TUSC3: variants seen among roughly 807,000 people sequenced by gnomAD.
TUSC3 encodes tumor suppressor candidate 3.
Under a neutral mutation model 44.8 loss-of-function variants are expected in TUSC3, and 45 were observed. The ratio of observed to expected loss-of-function variants is 1.00; its 90% CI spans 0.79 to 1.29. The LOEUF (loss-of-function observed/expected upper bound fraction) is 1.29. TUSC3 is among the 50% of genes most tolerant of loss of function. TUSC3 has a pLI of 0.00. For missense variants in TUSC3, 519 were observed against 437.9 expected (o/e 1.19, Z -1.65); for synonymous variants, 212 against 152.9 (o/e 1.39, Z -2.85).
intron 5 of TUSC3, among the ~76,000 whole-genome samples, chr8:15,671,422 G>A (rs1807942031): frequency 6.6e-6 from 1 of 151,922 alleles, no homozygotes; most frequent in Non-Finnish European, 1.5e-5. Context: ...ACCAAAAAAG[G>A]ATGCATCAGT....
chr8:15,779,433 A>G, the TUSC3 span, among the ~76,000 whole-genome samples: 3 of 151,846 alleles, frequency 2.0e-5, 1 homozygote, highest in Admixed American at 2.0e-4. Flanking sequence ...TGATTAATCA[A>G]ACATGAGAAC....
intron 9 of TUSC3, among the ~76,000 whole-genome samples, chr8:15,752,058 G>A (rs901133882): frequency 4.6e-5 from 7 of 152,072 alleles, no homozygotes; most frequent in Non-Finnish European, 7.4e-5. Flanking sequence ...TCCATGAACC[G>A]GGGAATAACA....
intron 6 of TUSC3, among the ~76,000 whole-genome samples, chr8:15,675,554 G>A (rs1419140065): frequency 1.3e-5 from 2 of 151,824 alleles, no homozygotes; most frequent in Admixed American, 6.6e-5. Context: ...TCTTGTCACC[G>A]AAGTACTGAG....
chr8:15,716,979 T>A (rs1810084435), intron 6 of TUSC3, among the ~76,000 whole-genome samples: 1 of 152,140 alleles, frequency 6.6e-6, no homozygotes, highest in Non-Finnish European at 1.5e-5. Flanking sequence ...TTAAATGTAT[T>A]GTATATTTAG....
At chr8:15,551,356 TTA>T (rs1397676723) in intron 1 of TUSC3, among the ~76,000 whole-genome samples, 2 of 151,748 alleles carry the variant, frequency 1.3e-5, no homozygotes, top group African/African-American at 4.8e-5. Context: ...AAAGCTAATT[TTA>T]TGTTTTAGAA....
rs141756214 is a variant in TUSC3, at chr8:15,674,511, C to T, written c.798+675C>T. Among the ~76,000 whole-genome samples the T allele has an allele frequency of 2.7e-3, 417 of 151,972 alleles. 2 individuals carry two copies. The highest frequency in any genetic ancestry group is 9.4e-3 in the African/African-American group (388 of 41,490). On this transcript the variant is annotated intron_variant, in intron 6 of 10. Transcript: ENST00000503731. ...TCTGCTTTTTCTTTTGGAAAAGATACGTATTTTGAGAATAATATAATGGCA... is the reference window on the plus strand; with the variant it reads ...TCTGCTTTTTCTTTTGGAAAAGATATGTATTTTGAGAATAATATAATGGCA...
chr8:15,662,305 A>G lies in TUSC3; in HGVS notation c.708+9A>G, dbSNP rs767480983. 6.2e-6 allele frequency: 10 copies of G among 1,612,388 alleles called. No homozygotes were observed. Among genetic ancestry groups the G allele is most frequent in the East Asian group, 2.2e-5 (1 of 44,840 alleles). On this transcript the variant is annotated intron_variant, in intron 5 of 10. Coordinates refer to ENST00000503731, the MANE Select transcript of TUSC3 (RefSeq NM_006765.4). ...GGGCCATGGTGTCTCTGGTATGTTA[A>G]TACATTGTGCTTTTTTTATTTCCTG... is the stretch of plus-strand genomic sequence containing the variant.
At position 15,758,310 on chromosome 8, in the gene TUSC3, A is replaced by G. The variant is rs973566332; in HGVS notation, c.*46+455A>G. ...CTTACTGAAAACTTTTTTAAAATCA[A>G]CATTTGCTAAATTCAGAAACAGATA... On this transcript the variant is annotated intron_variant, in intron 10 of 10. Coordinates refer to ENST00000503731, the MANE Select transcript of TUSC3 (RefSeq NM_006765.4). 7.4e-6 allele frequency: 7 copies of G among 942,854 alleles called. No homozygotes were observed. In the Admixed American group the frequency reaches 1.9e-4, roughly 25 times the overall value. 58.4% of individuals were successfully genotyped at this position (942,854 alleles called of 1,614,324 possible).
At chr8:15,418,206 T>C (rs10102167) in intron 1 of TUSC3, among the ~76,000 whole-genome samples, 1 of 152,016 alleles carries the variant, frequency 6.6e-6, no homozygotes, top group East Asian at 1.9e-4. Flanking sequence ...TTTTGTGGGT[T>C]GGTCAGCTCC....
intron 2 of TUSC3, among the ~76,000 whole-genome samples, chr8:15,500,724 A>T (rs1800950678): frequency 6.6e-6 from 1 of 152,228 alleles, no homozygotes; most frequent in Non-Finnish European, 1.5e-5. Flanking sequence ...AAAGAGAAAG[A>T]GAATGTGACA....
At chr8:15,431,607 T>A (rs1407894679) in intron 1 of TUSC3, among the ~76,000 whole-genome samples, 1 of 151,786 alleles carries the variant, frequency 6.6e-6, no homozygotes, top group African/African-American at 2.4e-5. Flanking sequence ...TATAGGATTA[T>A]GTCTTGTACA....
At chr8:15,718,143 A>G (rs1425063334) in intron 6 of TUSC3, among the ~76,000 whole-genome samples, 1 of 152,130 alleles carries the variant, frequency 6.6e-6, no homozygotes, top group Non-Finnish European at 1.5e-5. Context: ...TAATAGATTG[A>G]TGAAAGTAGT....
chr8:15,501,220 C>G (rs1281597318), intron 2 of TUSC3, among the ~76,000 whole-genome samples: 1 of 152,100 alleles, frequency 6.6e-6, no homozygotes, highest in African/African-American at 2.4e-5. Flanking sequence ...ATTTGCTAAC[C>G]AATTTTCTCT....
At chr8:15,676,790 G>T (rs1404666873) in intron 6 of TUSC3, among the ~76,000 whole-genome samples, 3 of 152,142 alleles carry the variant, frequency 2.0e-5, no homozygotes, top group African/African-American at 7.2e-5. Flanking sequence ...GAAGCCTAGA[G>T]AAACTTAGAT....
At chr8:15,669,475 A>G (rs1398707313) in intron 5 of TUSC3, among the ~76,000 whole-genome samples, 1 of 151,824 alleles carries the variant, frequency 6.6e-6, no homozygotes, top group Non-Finnish European at 1.5e-5. Context: ...TCATGGATAT[A>G]GATGCATTTA....
At chr8:15,822,333 T>C in the TUSC3 span, among the ~76,000 whole-genome samples, 1 of 152,122 alleles carries the variant, frequency 6.6e-6, no homozygotes, top group Non-Finnish European at 1.5e-5. Context: ...TTTAAAAAAA[T>C]AGAGTTTGCA....
chr8:15,605,196 T>G (rs1017534037), intron 1 of TUSC3, among the ~76,000 whole-genome samples: 8 of 151,818 alleles, frequency 5.3e-5, no homozygotes, highest in Non-Finnish European at 1.5e-5. Context: ...ATGGGAAGAT[T>G]AGTATAGGAA....
intron 7 of TUSC3, among the ~76,000 whole-genome samples, chr8:15,737,493 A>G (rs1417702649): frequency 1.3e-5 from 2 of 152,180 alleles, no homozygotes; most frequent in Admixed American, 6.5e-5. Context: ...GCAGTAGGAA[A>G]ATGATCAACA....
chr8:15,742,006 G>A (rs546871559), intron 7 of TUSC3, among the ~76,000 whole-genome samples: 1 of 152,136 alleles, frequency 6.6e-6, no homozygotes, highest in Non-Finnish European at 1.5e-5. Context: ...TCGGGGTAAT[G>A]TATACAAGTA....
Sources: gnomAD v4.1 joint callset for allele counts (sites outside exome capture counted in the v4.1 genomes callset) on GRCh38, gnomAD v4.1.1 for gene constraint, MANE v1.5 for transcripts, NCBI Gene and HGNC (gene_info 2026-07-23, HGNC 2026-07-21) for gene names.